The following USP49 variants were observed in gnomAD, a reference collection of about 807,000 sequenced individuals.
The protein encoded by USP49 is ubiquitin specific peptidase 49, also known as ubiquitin carboxyl-terminal hydrolase 49.
In USP49, 24 loss-of-function variants were observed where a neutral mutation model predicts 58.6. The ratio of observed to expected loss-of-function variants is 0.41; its 90% confidence interval spans 0.30 to 0.58. The LOEUF (loss-of-function observed/expected upper bound fraction) is 0.58, where lower values mean the gene tolerates loss of function less well. Ranked by LOEUF, USP49 falls within the 20% of genes least tolerant of loss-of-function variation. USP49 has a pLI of 0.30. For missense variants in USP49, 703 were observed against 866.1 expected, an observed-to-expected ratio of 0.81 and a Z score of 2.36; for synonymous variants, 408 against 365.1, an observed-to-expected ratio of 1.12 and a Z score of -1.34.
At chr6:41,858,818 T>C (rs1031422823) in intron 3 of USP49, among the ~76,000 whole-genome samples, 1 of 152,204 alleles carries the variant, frequency 6.6e-6, no homozygotes, top group Non-Finnish European at 1.5e-5. Flanking sequence ...TTTCCCAATT[T>C]GTTTTCCTCC....
intron 3 of USP49, among the ~76,000 whole-genome samples, chr6:41,820,508 G>A (rs1203119832): frequency 6.6e-6 from 1 of 151,610 alleles, no homozygotes; most frequent in East Asian, 1.9e-4. Flanking sequence ...AAATACCTCT[G>A]ATATATTTAT....
intron 3 of USP49, among the ~76,000 whole-genome samples, chr6:41,841,034 A>G (rs1773818601): frequency 6.6e-6 from 1 of 150,398 alleles, no homozygotes; most frequent in Non-Finnish European, 1.5e-5. Flanking sequence ...AACAAAAAAC[A>G]AAAAAAAACC....
chr6:41,808,475 TCTC>T (rs1373021867), intron 3 of USP49, among the ~76,000 whole-genome samples: 1 of 148,602 alleles, frequency 6.7e-6, no homozygotes, highest in African/African-American at 2.5e-5. Context: ...AGTGGCGTGG[TCTC>T]AGCTCACTGC....
chr6:41,884,669 A>G (rs1442589748), intron 2 of USP49, among the ~76,000 whole-genome samples: 1 of 152,212 alleles, frequency 6.6e-6, no homozygotes, highest in Non-Finnish European at 1.5e-5. Flanking sequence ...TTTTTCATTC[A>G]TGCATACATT....
At chr6:41,815,375 T>C (rs1484640099) in intron 3 of USP49, among the ~76,000 whole-genome samples, 1 of 151,018 alleles carries the variant, frequency 6.6e-6, no homozygotes. Context: ...GAGCCAAGAT[T>C]GCGCCACTGC....
chr6:41,890,455 G>A (rs763885883), intron 2 of USP49, among the ~76,000 whole-genome samples: 1 of 151,886 alleles, frequency 6.6e-6, no homozygotes, highest in Non-Finnish European at 1.5e-5. Flanking sequence ...GCTCACATCT[G>A]TAATACCAGC....
Position 41,803,297 on chromosome 6 carries a change from TTTGTTG to T in USP49, c.1561+503_1561+508del, listed in dbSNP as rs140001289. On this transcript the variant is annotated intron_variant, in intron 5 of 7. Coordinates refer to ENST00000682992, the MANE Select transcript of USP49 (RefSeq NM_001286554.2). This position sits in a 1 kb window ranked among gnomAD's most constrained non-coding sequence, Gnocchi z 4.1. ...AATCAACTCCTAGGTCTTTGTTTCA[TTTGTTG>T]TTGTTGTTGTTGTTGTTTGAAACGG... is the stretch of plus-strand genomic sequence containing the variant. Among the ~76,000 whole-genome samples, 12 of 151,616 alleles carry T rather than the reference TTTGTTG, an allele frequency of 7.9e-5. No individual in the cohort carries two copies. In the East Asian group the frequency reaches 1.2e-3, roughly 15 times the overall value.
At chr6:41,866,911 T>TATCTATCA (rs1487412755) in intron 3 of USP49, among the ~76,000 whole-genome samples, 1 of 152,000 alleles carries the variant, frequency 6.6e-6, no homozygotes, top group Non-Finnish European at 1.5e-5. Context: ...ATATGTGCAA[T>TATCTATCA]AAGGGCCATA....
At chr6:41,884,410 A>C (rs1275391288) in intron 2 of USP49, among the ~76,000 whole-genome samples, 2 of 152,260 alleles carry the variant, frequency 1.3e-5, no homozygotes, top group African/African-American at 2.4e-5. Context: ...AGAATTCTAT[A>C]GCCAAATTCT....
At chr6:41,812,156 C>T (rs1030567574) in intron 3 of USP49, among the ~76,000 whole-genome samples, 3 of 151,880 alleles carry the variant, frequency 2.0e-5, no homozygotes, top group Non-Finnish European at 4.4e-5. Context: ...CTAGGCTCAC[C>T]ACAATCTCCG....
At chr6:41,850,881 G>A (rs887629223) in intron 3 of USP49, among the ~76,000 whole-genome samples, 3 of 151,770 alleles carry the variant, frequency 2.0e-5, no homozygotes, top group Admixed American at 6.6e-5. Flanking sequence ...GATTACAGGC[G>A]TAAGCCACCG....
intron 3 of USP49, among the ~76,000 whole-genome samples, chr6:41,829,093 TA>T: frequency 6.6e-6 from 1 of 152,250 alleles, no homozygotes; most frequent in Non-Finnish European, 1.5e-5. Flanking sequence ...ATAGAATCTT[TA>T]AAAAAGTATA....
chr6:41,870,007 T>A (rs1430954498), intron 3 of USP49, among the ~76,000 whole-genome samples: 4 of 152,166 alleles, frequency 2.6e-5, no homozygotes, highest in African/African-American at 9.7e-5. Flanking sequence ...AAAAGAAAAC[T>A]TCTCATGAAA....
chr6:41,875,490 T>C (rs2127360893), intron 2 of USP49, among the ~76,000 whole-genome samples: 1 of 152,342 alleles, frequency 6.6e-6, no homozygotes, highest in South Asian at 2.1e-4. Context: ...TCTGAAAAAG[T>C]ACCTTGTCCT....
chr6:41,863,737 A>G (rs1402756443), intron 3 of USP49, among the ~76,000 whole-genome samples: 1 of 152,178 alleles, frequency 6.6e-6, no homozygotes, highest in East Asian at 1.9e-4. Context: ...TTAGATGAAC[A>G]ACATTAATGC....
At chr6:41,829,393 C>T (rs193149019) in intron 3 of USP49, among the ~76,000 whole-genome samples, 107 of 152,088 alleles carry the variant, frequency 7.0e-4, no homozygotes, top group Non-Finnish European at 1.3e-3. Flanking sequence ...TGGCTCACTG[C>T]AACCTCGCCT....
At position 41,795,536 on chromosome 6, in the gene USP49, T is replaced by C. The variant is rs1233433308; in HGVS notation, c.*997A>G. The C allele has an allele frequency of 6.6e-6, 1 of 152,232 alleles. No individual in the cohort carries two copies. The highest frequency in any genetic ancestry group is 1.9e-4 in the East Asian group (1 of 5,194). The allele number at this position is 152,232 out of a possible 1,614,324, so 9.4% of individuals were successfully genotyped here. On this transcript the variant is annotated 3_prime_UTR_variant, in exon 8 of 8. Coordinates refer to ENST00000682992, the MANE Select transcript of USP49 (RefSeq NM_001286554.2). ...TAGAGAACCAAAAGCTCCCAAACCC[T>C]GTGAACATGAATGTTCTAGCTCTCC...
intron 3 of USP49, among the ~76,000 whole-genome samples, chr6:41,853,972 C>T (rs1265271364): frequency 8.5e-6 from 1 of 118,042 alleles, no homozygotes; most frequent in East Asian, 2.7e-4. Context: ...GCACTCCAGC[C>T]TGGGCAACAA....
At chr6:41,802,598 A>G (rs1581990581) in intron 5 of USP49, among the ~76,000 whole-genome samples, 1 of 147,874 alleles carries the variant, frequency 6.8e-6, no homozygotes, top group East Asian at 2.0e-4. Flanking sequence ...CTGGCCTAAG[A>G]TTTTTTTTTT....
Sources: gnomAD v4.1 joint callset for allele counts (sites outside exome capture counted in the v4.1 genomes callset) on GRCh38, gnomAD v4.1.1 for gene constraint, Gnocchi (gnomAD v3.1) non-coding constraint, MANE v1.5 for transcripts, NCBI Gene and HGNC (gene_info 2026-07-23, HGNC 2026-07-21) for gene names.